PRMT8: variants seen among roughly 807,000 people sequenced by gnomAD.
PRMT8 encodes protein arginine methyltransferase 8.
Under a neutral mutation model 47.1 loss-of-function variants are expected in PRMT8, and 7 were observed. The ratio of observed to expected loss-of-function variants is 0.15; its 90% CI spans 0.08 to 0.28. The LOEUF is 0.28. Ranked by LOEUF, PRMT8 falls within the 10% of genes least tolerant of loss-of-function variation. PRMT8 has a pLI of 1.00. For missense variants in PRMT8, 237 were observed against 505.4 expected (o/e 0.47, Z 5.09); for synonymous variants, 188 against 186.5 (o/e 1.01, Z -0.07).
intron 1 of PRMT8, among the ~76,000 whole-genome samples, chr12:3,483,269 A>G (rs1269910980): frequency 6.6e-6 from 1 of 152,200 alleles, no homozygotes; most frequent in Admixed American, 6.5e-5. Context: ...CTAGGCAGAA[A>G]GAAGCACAGC....
intron 1 of PRMT8, among the ~76,000 whole-genome samples, chr12:3,534,269 T>G (rs1054462165): frequency 1.3e-5 from 2 of 152,262 alleles, no homozygotes; most frequent in Non-Finnish European, 2.9e-5. Context: ...TGGAGCCTCT[T>G]GTTCTCAGGG....
In PRMT8 at chr12:3,461,617, A is replaced by G. The variant is rs1320509314; in HGVS notation, c.49-78989A>G. On this transcript the variant is annotated intron_variant, in intron 1 of 9. Transcript: ENST00000452611. The stretch of plus-strand genomic sequence containing the variant: ...GGATGGAACTGTGTCCTCAGCAGAC[A>G]CAAGCTCCTTCTTCTGAGCGAGACT... Among the ~76,000 whole-genome samples, 12 of 152,228 alleles carry G rather than the reference A, an allele frequency of 7.9e-5. No homozygotes were observed. The East Asian group carries it at 2.3e-3, about 29-fold the overall frequency.
intron 1 of PRMT8, among the ~76,000 whole-genome samples, chr12:3,447,103 G>A (rs1189871156): frequency 6.6e-6 from 1 of 152,126 alleles, no homozygotes; most frequent in Non-Finnish European, 1.5e-5. Flanking sequence ...GGCAGCCCTC[G>A]TGAGCCAGAG....
At chr12:3,477,606 A>C (rs1328127020) in intron 1 of PRMT8, among the ~76,000 whole-genome samples, 1 of 152,222 alleles carries the variant, frequency 6.6e-6, no homozygotes, top group Non-Finnish European at 1.5e-5. Context: ...AAGAATTCAC[A>C]GAACACAATT....
chr12:3,567,726 G>A (rs1866747689), intron 4 of PRMT8, among the ~76,000 whole-genome samples: 1 of 152,210 alleles, frequency 6.6e-6, no homozygotes, highest in African/African-American at 2.4e-5. Context: ...TCCCACAAAA[G>A]TAAGCTACTA....
At chr12:3,551,357 A>C (rs865859449) in intron 3 of PRMT8, 1 of 152,378 alleles carries the variant, frequency 6.6e-6, no homozygotes, top group East Asian at 1.9e-4. Flanking sequence ...AGGGCAGGTC[A>C]TGTCATCATC....
intron 2 of PRMT8, among the ~76,000 whole-genome samples, chr12:3,541,059 C>T (rs115080835): frequency 6.6e-6 from 1 of 152,324 alleles, no homozygotes; most frequent in African/African-American, 2.4e-5. Flanking sequence ...ATTTGTTTTA[C>T]ATTCCAGCTC....
At chr12:3,416,362 C>G (rs955483162) in intron 1 of PRMT8, among the ~76,000 whole-genome samples, 2 of 152,212 alleles carry the variant, frequency 1.3e-5, no homozygotes, top group African/African-American at 4.8e-5. Context: ...GCCCAAGTGT[C>G]TCATGTGGAG....
intron 1 of PRMT8, among the ~76,000 whole-genome samples, chr12:3,460,961 C>A (rs149557224): frequency 6.6e-6 from 1 of 152,322 alleles, no homozygotes; most frequent in Non-Finnish European, 1.5e-5. Context: ...TCCGGACTTA[C>A]CTCAAGTTGC....
chr12:3,408,069 C>G (rs977785716), intron 1 of PRMT8, among the ~76,000 whole-genome samples: 1 of 151,932 alleles, frequency 6.6e-6, no homozygotes, highest in Non-Finnish European at 1.5e-5. Context: ...CTATCTGTAG[C>G]TTGAATCTCA....
chr12:3,404,286 C>T (rs777206104), intron 1 of PRMT8, among the ~76,000 whole-genome samples: 93 of 152,156 alleles, frequency 6.1e-4, no homozygotes, highest in Non-Finnish European at 9.0e-4. Context: ...TAGCTTCCTT[C>T]AATGTGCTGT....
chr12:3,494,733 G>A (rs933255832), intron 1 of PRMT8, among the ~76,000 whole-genome samples: 15 of 152,236 alleles, frequency 9.9e-5, no homozygotes, highest in African/African-American at 3.6e-4. Context: ...TCCACAAAGC[G>A]AAGTACCCAG....
chr12:3,556,817 G>T (rs1399966904), intron 4 of PRMT8, among the ~76,000 whole-genome samples: 1 of 152,170 alleles, frequency 6.6e-6, no homozygotes. Context: ...GGTGGCTTTT[G>T]CCCTGCCCAG....
intron 1 of PRMT8, among the ~76,000 whole-genome samples, chr12:3,421,684 C>G (rs1405429900): frequency 6.6e-6 from 1 of 152,216 alleles, no homozygotes; most frequent in Non-Finnish European, 1.5e-5. Context: ...CCTGGCTCCC[C>G]TCCCGGTTGA....
At chr12:3,450,970 A>G (rs1864910254) in intron 1 of PRMT8, among the ~76,000 whole-genome samples, 1 of 141,334 alleles carries the variant, frequency 7.1e-6, no homozygotes, top group Non-Finnish European at 1.5e-5. Context: ...GTGCAATGTC[A>G]ACAAGGGACA....
chr12:3,418,615 G>T (rs1267568189), intron 1 of PRMT8, among the ~76,000 whole-genome samples: 1 of 152,336 alleles, frequency 6.6e-6, no homozygotes, highest in East Asian at 1.9e-4. Context: ...GGCCCACTCC[G>T]TGTGTGGAGG....
chr12:3,538,876 G>C lies in PRMT8; in HGVS notation c.76-1730G>C, dbSNP rs80135696. Among the ~76,000 whole-genome samples the C allele has an allele frequency of 5.8e-3, 886 of 152,278 alleles. 6 individuals carry two copies. Among genetic ancestry groups the C allele is most frequent in the African/African-American group, 0.02 (821 of 41,564 alleles). The stretch of plus-strand genomic sequence containing the variant: ...CCGGGATCTCACCGACGTGAAATCT[G>C]ATGTTGCTAAACTGGGAAGTCTGCT... On this transcript the variant is annotated intron_variant, in intron 1 of 9. Transcript: ENST00000382622. This position sits in a 1 kb window ranked among gnomAD's most constrained non-coding sequence, Gnocchi z 4.6.
At chr12:3,591,502 G>C (rs1189858224) in intron 8 of PRMT8, among the ~76,000 whole-genome samples, 1 of 144,546 alleles carries the variant, frequency 6.9e-6, no homozygotes, top group Non-Finnish European at 1.5e-5. Flanking sequence ...CTGCAACCTT[G>C]AACTCCCAGG....
At chr12:3,541,899 T>C (rs1866237150) in intron 2 of PRMT8, among the ~76,000 whole-genome samples, 1 of 152,214 alleles carries the variant, frequency 6.6e-6, no homozygotes, top group Admixed American at 6.5e-5. Context: ...CCCTTAAGAA[T>C]CAAATCAACC....
Sources: gnomAD v4.1 joint callset for allele counts (sites outside exome capture counted in the v4.1 genomes callset) on GRCh38, gnomAD v4.1.1 for gene constraint, Gnocchi (gnomAD v3.1) non-coding constraint, MANE v1.5 for transcripts, NCBI Gene and HGNC (gene_info 2026-07-23, HGNC 2026-07-21) for gene names.